The following UNC5C variants were observed in gnomAD, a reference collection of about 807,000 sequenced individuals.
UNC5C encodes netrin receptor UNC5C.
A neutral mutation model predicts 99.8 loss-of-function variants in UNC5C; 47 were observed. The ratio of observed to expected loss-of-function variants is 0.47; its 90% CI spans 0.37 to 0.60. The LOEUF (loss-of-function observed/expected upper bound fraction) is 0.60, where lower values mean the gene tolerates loss of function less well. UNC5C is among the 20% of genes least tolerant of loss of function. The probability of loss-of-function intolerance (pLI) is 0.00; values close to 1 mark genes in which losing one functional copy is unlikely to be tolerated. For missense variants in UNC5C, 1,062 were observed against 1,165.9 expected, an observed-to-expected ratio of 0.91 and a Z score of 1.30; for synonymous variants, 487 against 452.2, an observed-to-expected ratio of 1.08 and a Z score of -0.98.
chr4:95,368,741 A>C (rs531316201), intron 1 of UNC5C, among the ~76,000 whole-genome samples: 2 of 152,352 alleles, frequency 1.3e-5, no homozygotes, highest in African/African-American at 4.8e-5. Flanking sequence ...CATCACTTTA[A>C]AAAAGTAAAA....
intron 12 of UNC5C, among the ~76,000 whole-genome samples, chr4:95,187,735 C>T (rs1307770870): frequency 1.3e-5 from 2 of 152,096 alleles, no homozygotes; most frequent in Non-Finnish European, 2.9e-5. Flanking sequence ...ATAGAAAGTA[C>T]CAAGTGCCAT....
At chr4:95,335,355 A>G in intron 2 of UNC5C, 55 bp downstream of exon 2, 1 of 1,464,100 alleles carries the variant, frequency 6.8e-7, no homozygotes, top group East Asian at 2.3e-5. Context: ...TCCACATGCT[A>G]GAGTAGTGAG....
At chr4:95,530,989 A>G (rs984689716) in intron 1 of UNC5C, among the ~76,000 whole-genome samples, 2 of 152,222 alleles carry the variant, frequency 1.3e-5, no homozygotes, top group African/African-American at 2.4e-5. Context: ...CTTTGTTTAC[A>G]TCATAAATAA....
chr4:95,265,370 C>T (rs962967657), intron 4 of UNC5C, among the ~76,000 whole-genome samples: 4 of 152,170 alleles, frequency 2.6e-5, no homozygotes, highest in African/African-American at 4.8e-5. Flanking sequence ...TATCTCCTCA[C>T]ATTGGCCTTC....
chr4:95,408,286 CT>C (rs1261921115), intron 1 of UNC5C, among the ~76,000 whole-genome samples: 7 of 152,106 alleles, frequency 4.6e-5, no homozygotes, highest in Admixed American at 4.6e-4. Flanking sequence ...ATTTTTGAGA[CT>C]TCTGTGAAAT....
chr4:95,500,701 T>C (rs1408127488), intron 1 of UNC5C, among the ~76,000 whole-genome samples: 2 of 152,148 alleles, frequency 1.3e-5, no homozygotes, highest in Non-Finnish European at 2.9e-5. Flanking sequence ...CTATCAAAAC[T>C]TTCCTTTTAC....
At chr4:95,298,968 T>G (rs1476228212) in intron 3 of UNC5C, among the ~76,000 whole-genome samples, 2 of 152,150 alleles carry the variant, frequency 1.3e-5, no homozygotes, top group Non-Finnish European at 2.9e-5. Flanking sequence ...GTGATTACAA[T>G]GTAGAAATCC....
intron 1 of UNC5C, among the ~76,000 whole-genome samples, chr4:95,530,098 T>C (rs1722604203): frequency 6.6e-6 from 1 of 152,178 alleles, no homozygotes; most frequent in Admixed American, 6.5e-5. Context: ...TACAGAGATA[T>C]TTTCCTTTAC....
chr4:95,540,727 G>A (rs913300104), intron 1 of UNC5C, among the ~76,000 whole-genome samples: 22 of 152,060 alleles, frequency 1.4e-4, no homozygotes, highest in Non-Finnish European at 2.1e-4. Flanking sequence ...AATCAAAAAC[G>A]AAATTCAAAT....
chr4:95,389,655 G>A (rs1442172254), intron 1 of UNC5C, among the ~76,000 whole-genome samples: 1 of 151,680 alleles, frequency 6.6e-6, no homozygotes, highest in Non-Finnish European at 1.5e-5. Context: ...AATAACTTGG[G>A]TATGTAAATT....
At chr4:95,394,671 G>C (rs1235959042) in intron 1 of UNC5C, among the ~76,000 whole-genome samples, 1 of 151,988 alleles carries the variant, frequency 6.6e-6, no homozygotes, top group Non-Finnish European at 1.5e-5. Context: ...GTGTGTGTGT[G>C]TGTGCTTTTC....
intron 1 of UNC5C, among the ~76,000 whole-genome samples, chr4:95,342,736 A>G (rs1351822779): frequency 6.6e-6 from 1 of 152,040 alleles, no homozygotes; most frequent in Non-Finnish European, 1.5e-5. Flanking sequence ...GAGGTTCCCA[A>G]TTCCAGGCCT....
chr4:95,337,156 C>T (rs951042593), intron 1 of UNC5C, among the ~76,000 whole-genome samples: 5 of 151,986 alleles, frequency 3.3e-5, no homozygotes, highest in African/African-American at 1.2e-4. Context: ...CTCCGCAAAA[C>T]ATGACTCAAA....
chr4:95,285,054 T>C (rs973827141), intron 3 of UNC5C, among the ~76,000 whole-genome samples: 18 of 152,174 alleles, frequency 1.2e-4, no homozygotes, highest in African/African-American at 4.3e-4. Flanking sequence ...AGCAGGCAGG[T>C]TGTGGATACT....
chr4:95,254,665 G>T (rs552029132), intron 4 of UNC5C, among the ~76,000 whole-genome samples: 2 of 152,120 alleles, frequency 1.3e-5, no homozygotes, highest in Admixed American at 6.5e-5. Flanking sequence ...ACTTCAGGGG[G>T]TTATATCCAC....
rs752932977 is a variant in UNC5C at position 95,206,635 on chromosome 4, T to C, written c.1895A>G (p.Gln632Arg). Residue 632 changes from glutamine to arginine, a missense_variant, in exon 11 of 16, where the codon CAG becomes CGG. Physicochemically the swap from Gln to Arg is conservative, Grantham distance 43. This residue lies in a region of UNC5C where 810 missense variants were observed against 854.5 expected (regional missense o/e 0.95). Coordinates refer to ENST00000453304, the MANE Select transcript of UNC5C (RefSeq NM_003728.4). ...ILLKNQAAQG[Q>R]WEDVVVVGEE... ...ATCCCGACAGCAGCTCACCTCCCACTGTCCCTGTGCTGCCTGGTTCTTGAG... is the reference window on the plus strand; with the variant it reads ...ATCCCGACAGCAGCTCACCTCCCACCGTCCCTGTGCTGCCTGGTTCTTGAG... 32 of 1,614,046 alleles carry C rather than the reference T, an allele frequency of 2.0e-5. No homozygotes were observed. The highest frequency in any genetic ancestry group is 5.1e-6 in the Non-Finnish European group (6 of 1,180,018).
intron 1 of UNC5C, among the ~76,000 whole-genome samples, chr4:95,381,933 G>A (rs1276624953): frequency 2.0e-5 from 3 of 152,088 alleles, no homozygotes; most frequent in South Asian, 2.1e-4. Context: ...CAGTTGGTGG[G>A]TAATAGTCTC....
chr4:95,475,922 CATAATT>C (rs1043270492), intron 1 of UNC5C, among the ~76,000 whole-genome samples: 1 of 152,100 alleles, frequency 6.6e-6, no homozygotes, highest in African/African-American at 2.4e-5. Context: ...CAAAAGCTCA[CATAATT>C]ATGTCAGGCA....
At chr4:95,191,971 A>AT (rs1737127363) in intron 12 of UNC5C, among the ~76,000 whole-genome samples, 1 of 37,662 alleles carries the variant, frequency 2.7e-5, no homozygotes, top group Non-Finnish European at 5.0e-5. Flanking sequence ...TCCCCTGCTC[A>AT]CCTCCTCCCC....
Sources: gnomAD v4.1 joint callset for allele counts (sites outside exome capture counted in the v4.1 genomes callset) on GRCh38, gnomAD v4.1.1 for gene constraint, gnomAD v4.1.1 regional missense constraint, MANE v1.5 for transcripts, NCBI Gene and HGNC (gene_info 2026-07-23, HGNC 2026-07-21) for gene names.